Variants in SMYD3 observed in about 807,000 individuals in gnomAD.
SMYD3 encodes the protein SET and MYND domain containing 3.
In SMYD3, 36 loss-of-function variants were observed where a neutral mutation model predicts 57.7. That is an observed-to-expected ratio of 0.62 (90% confidence interval 0.48 to 0.82). SMYD3 has a LOEUF of 0.82. Ranked by LOEUF, SMYD3 falls within the 40% of genes least tolerant of loss-of-function variation. The pLI, the probability that SMYD3 is intolerant of heterozygous loss-of-function variation, is 0.00. For synonymous variants in SMYD3, 211 were observed against 195.0 expected, an observed-to-expected ratio of 1.08 and a Z score of -0.68; for missense variants, 515 against 538.8, an observed-to-expected ratio of 0.96 and a Z score of 0.44.
At chr1:246,478,835 CCG>C (rs2068063282) in intron 1 of SMYD3, among the ~76,000 whole-genome samples, 3 of 106,474 alleles carry the variant, frequency 2.8e-5, no homozygotes, top group African/African-American at 3.0e-5. Flanking sequence ...CACCTGTCCT[CCG>C]TCCTGGAGCT....
At chr1:245,824,413 A>C (rs771816735) in intron 10 of SMYD3, among the ~76,000 whole-genome samples, 22 of 152,228 alleles carry the variant, frequency 1.4e-4, no homozygotes, top group Non-Finnish European at 2.5e-4. Flanking sequence ...AGTACTAAGT[A>C]ATCTTTGAAA....
intron 10 of SMYD3, among the ~76,000 whole-genome samples, chr1:245,771,523 T>C (rs961624427): frequency 1.3e-5 from 2 of 152,222 alleles, no homozygotes; most frequent in African/African-American, 2.4e-5. Flanking sequence ...ATGAACAGTA[T>C]ATAACAGCCT....
At chr1:245,924,328 A>AT (rs1227114188) in intron 7 of SMYD3, among the ~76,000 whole-genome samples, 1 of 152,120 alleles carries the variant, frequency 6.6e-6, no homozygotes, top group Non-Finnish European at 1.5e-5. Flanking sequence ...CCAAAGTCAA[A>AT]TAAAAAAAAA....
At chr1:245,998,914 T>C (rs571217563) in intron 5 of SMYD3, among the ~76,000 whole-genome samples, 61 of 152,252 alleles carry the variant, frequency 4.0e-4, no homozygotes, top group African/African-American at 1.4e-3. Flanking sequence ...AAATACTGTG[T>C]GATTCCACTT....
chr1:245,897,841 G>A (rs2053926814), intron 8 of SMYD3, among the ~76,000 whole-genome samples: 1 of 152,038 alleles, frequency 6.6e-6, no homozygotes, highest in Non-Finnish European at 1.5e-5. Flanking sequence ...AGAGGTTGCA[G>A]TGAGCTGAGA....
chr1:246,497,715 G>A (rs1373329639), intron 1 of SMYD3, among the ~76,000 whole-genome samples: 1 of 152,008 alleles, frequency 6.6e-6, no homozygotes, highest in African/African-American at 2.4e-5. Context: ...TAATTAGCTG[G>A]GTATGATGTT....
At chr1:246,084,774 C>T (rs555684972) in intron 5 of SMYD3, among the ~76,000 whole-genome samples, 21 of 152,144 alleles carry the variant, frequency 1.4e-4, no homozygotes, top group Non-Finnish European at 2.5e-4. Flanking sequence ...ACTGGTCTAT[C>T]AATGGCAACA....
At chr1:245,768,182 T>C (rs1337139063) in intron 10 of SMYD3, among the ~76,000 whole-genome samples, 2 of 152,234 alleles carry the variant, frequency 1.3e-5, no homozygotes, top group Non-Finnish European at 2.9e-5. Context: ...GGTATAATGC[T>C]AGCAATCACA....
chr1:245,771,121 C>CAT (rs923761547), intron 10 of SMYD3, among the ~76,000 whole-genome samples: 3 of 151,292 alleles, frequency 2.0e-5, no homozygotes, highest in African/African-American at 7.3e-5. Context: ...TATACACATA[C>CAT]ATATATATAC....
chr1:246,079,531 A>C (rs1035741903), intron 5 of SMYD3, among the ~76,000 whole-genome samples: 9 of 152,190 alleles, frequency 5.9e-5, no homozygotes, highest in Non-Finnish European at 7.3e-5. Flanking sequence ...TACATGGGTA[A>C]GTAAAACTCG....
At chr1:245,932,795 C>T (rs1158695544) in intron 5 of SMYD3, among the ~76,000 whole-genome samples, 1 of 152,140 alleles carries the variant, frequency 6.6e-6, no homozygotes, top group African/African-American at 2.4e-5. Flanking sequence ...CTCCTGGCCT[C>T]AAGTGGTCCT....
chr1:246,247,502 T>TTATA (rs2063728029), intron 5 of SMYD3, among the ~76,000 whole-genome samples: 1 of 133,310 alleles, frequency 7.5e-6, no homozygotes, highest in Non-Finnish European at 1.6e-5. Flanking sequence ...AACATGGGAC[T>TTATA]CATATATATA....
intron 5 of SMYD3, among the ~76,000 whole-genome samples, chr1:246,086,592 T>A (rs1188181846): frequency 6.6e-6 from 1 of 152,070 alleles, no homozygotes; most frequent in East Asian, 1.9e-4. Flanking sequence ...TAAAATAGTT[T>A]AATCAAGTCA....
chr1:246,248,635 C>CTTTTTTTTTTT (rs1558348050), intron 5 of SMYD3, among the ~76,000 whole-genome samples: 12 of 68,330 alleles, frequency 1.8e-4, no homozygotes, highest in Non-Finnish European at 2.4e-4. Flanking sequence ...CTCTGACTTT[C>CTTTTTTTTTTT]CTTTTTTTTT....
chr1:246,439,230 G>A (rs186139016), intron 1 of SMYD3, among the ~76,000 whole-genome samples: 119 of 152,072 alleles, frequency 7.8e-4, no homozygotes, highest in African/African-American at 2.8e-3. Flanking sequence ...CCTAGGAAAT[G>A]AGACTACAGG....
chr1:245,876,791 G>A (rs1300979708), intron 8 of SMYD3, among the ~76,000 whole-genome samples: 2 of 152,184 alleles, frequency 1.3e-5, no homozygotes, highest in African/African-American at 4.8e-5. Context: ...CCAAACAAAT[G>A]TATCATTTCT....
intron 1 of SMYD3, among the ~76,000 whole-genome samples, chr1:246,506,812 G>T (rs1363598666): frequency 7.1e-6 from 1 of 140,518 alleles, no homozygotes; most frequent in Non-Finnish European, 1.5e-5. Flanking sequence ...CCCAGGTTGG[G>T]GGGCAGTGGC....
At chr1:246,463,661 C>CAAAAAAAAAAAAAAAAAAA (rs35482116) in intron 1 of SMYD3, among the ~76,000 whole-genome samples, 1 of 73,126 alleles carries the variant, frequency 1.4e-5, no homozygotes, top group Non-Finnish European at 2.4e-5. Context: ...ACTAAAAATA[C>CAAAAAAAAAAAAAAAAAAA]AAAAAAAAAA....
intron 2 of SMYD3, among the ~76,000 whole-genome samples, chr1:246,347,205 T>C (rs2065736537): frequency 6.6e-6 from 1 of 150,754 alleles, no homozygotes; most frequent in African/African-American, 2.4e-5. Context: ...AGGTATAAGA[T>C]ATGTGTAATA....
Sources: gnomAD v4.1 joint callset for allele counts (sites outside exome capture counted in the v4.1 genomes callset) on GRCh38, gnomAD v4.1.1 for gene constraint, MANE v1.5 for transcripts, NCBI Gene and HGNC (gene_info 2026-07-23, HGNC 2026-07-21) for gene names.